Variants in KIAA1328 observed in about 807,000 individuals in gnomAD.
The protein encoded by KIAA1328 is KIAA1328.
A neutral mutation model predicts 68.1 loss-of-function variants in KIAA1328; 52 were observed. That is an observed-to-expected ratio of 0.76 (90% confidence interval 0.61 to 0.96). The LOEUF is 0.96. Among genes scored for constraint, KIAA1328 ranks in the 40% least tolerant of loss-of-function variants. The pLI is 0.00. For missense variants in KIAA1328, 641 were observed against 677.6 expected (o/e 0.95, Z 0.60); for synonymous variants, 232 against 239.4 (o/e 0.97, Z 0.28).
At chr18:36,919,490 T>C (rs72887072) in intron 5 of KIAA1328, among the ~76,000 whole-genome samples, 20,708 of 152,232 alleles carry the variant, frequency 0.14, 1,755 homozygotes, top group Admixed American at 0.18. Flanking sequence ...GTTGATTCCA[T>C]GTCTTTGCTA....
At chr18:37,127,359 C>A (rs112022648) in intron 7 of KIAA1328, among the ~76,000 whole-genome samples, 185 of 152,170 alleles carry the variant, frequency 1.2e-3, no homozygotes, top group African/African-American at 4.3e-3. Flanking sequence ...ACAGATAAAT[C>A]TAATAACATC....
intron 9 of KIAA1328, among the ~76,000 whole-genome samples, chr18:37,219,817 G>A (rs898870704): frequency 6.6e-6 from 1 of 152,136 alleles, no homozygotes; most frequent in African/African-American, 2.4e-5. Context: ...GCTTCGGCTT[G>A]CCCTCTGTGG....
rs76538973 is a variant in KIAA1328, at chr18:37,178,905, A to C, written c.1523+5824A>C. Reference sequence around the variant, plus strand: ...TGAGAAATGTCTATTCAGGTCTTTAACCTATTTTTTTAGTCACTTTATTTT... The same window carrying C: ...TGAGAAATGTCTATTCAGGTCTTTACCCTATTTTTTTAGTCACTTTATTTT... On this transcript the variant is annotated intron_variant, in intron 9 of 9. Coordinates refer to ENST00000280020, the MANE Select transcript of KIAA1328 (RefSeq NM_020776.3). 7.2e-3 allele frequency among the ~76,000 whole-genome samples: 1,099 copies of C among 152,090 alleles called. 5 individuals are homozygous for C. The highest frequency in any genetic ancestry group is 0.012 in the Non-Finnish European group (831 of 67,952).
At chr18:36,921,576 T>A (rs1435701913) in intron 5 of KIAA1328, among the ~76,000 whole-genome samples, 1 of 152,038 alleles carries the variant, frequency 6.6e-6, no homozygotes, top group Non-Finnish European at 1.5e-5. Context: ...GCTAATTTTT[T>A]TGTATTTTTA....
At chr18:37,082,657 T>G (rs1001722233) in intron 7 of KIAA1328, among the ~76,000 whole-genome samples, 3 of 152,222 alleles carry the variant, frequency 2.0e-5, no homozygotes, top group Non-Finnish European at 4.4e-5. Flanking sequence ...AGAATAAATT[T>G]GGCATGACAT....
At chr18:36,846,844 A>C (rs2047046237) in intron 4 of KIAA1328, among the ~76,000 whole-genome samples, 1 of 151,534 alleles carries the variant, frequency 6.6e-6, no homozygotes, top group African/African-American at 2.4e-5. Context: ...CATTAAGTAC[A>C]TTCATAGTGC....
intron 6 of KIAA1328, among the ~76,000 whole-genome samples, chr18:37,054,281 A>G: frequency 6.6e-6 from 1 of 152,222 alleles, no homozygotes; most frequent in East Asian, 1.9e-4. Context: ...AACTGGAACC[A>G]ACATTTTACC....
chr18:37,002,984 G>A (rs1198171974), intron 6 of KIAA1328, among the ~76,000 whole-genome samples: 1 of 152,052 alleles, frequency 6.6e-6, no homozygotes, highest in East Asian at 1.9e-4. Context: ...TTTAAAAATA[G>A]ACATATAGAC....
intron 7 of KIAA1328, among the ~76,000 whole-genome samples, chr18:37,078,464 C>A (rs1192658638): frequency 1.3e-5 from 2 of 150,916 alleles, no homozygotes; most frequent in Non-Finnish European, 3.0e-5. Context: ...GCAACAAAAG[C>A]CAAAATTGAC....
chr18:37,178,726 C>A (rs1245652171), intron 9 of KIAA1328, among the ~76,000 whole-genome samples: 1 of 152,082 alleles, frequency 6.6e-6, no homozygotes, highest in Non-Finnish European at 1.5e-5. Flanking sequence ...TTTCTTTCTC[C>A]AATCATTGCC....
chr18:36,998,843 T>G (rs2053489582), intron 6 of KIAA1328, among the ~76,000 whole-genome samples: 1 of 152,206 alleles, frequency 6.6e-6, no homozygotes, highest in Non-Finnish European at 1.5e-5. Context: ...CATGTGCAGA[T>G]ATCAAGGTAA....
At chr18:37,014,652 C>G (rs572047613) in intron 6 of KIAA1328, among the ~76,000 whole-genome samples, 1 of 152,182 alleles carries the variant, frequency 6.6e-6, no homozygotes, top group South Asian at 2.1e-4. Flanking sequence ...ATGGCCAGAG[C>G]AGGAGGAAGA....
chr18:36,935,447 A>T (rs752520890), intron 5 of KIAA1328, among the ~76,000 whole-genome samples: 7 of 152,324 alleles, frequency 4.6e-5, no homozygotes, highest in African/African-American at 1.7e-4. Flanking sequence ...AAAGCTGCCC[A>T]AATTATGCCA....
intron 7 of KIAA1328, among the ~76,000 whole-genome samples, chr18:37,135,053 A>G (rs935525470): frequency 6.6e-6 from 1 of 152,114 alleles, no homozygotes; most frequent in Middle Eastern, 3.2e-3. Flanking sequence ...ATGGCTGTGT[A>G]GTATTTCATA....
chr18:37,223,953 A>T lies in KIAA1328; in HGVS notation c.*1726A>T, dbSNP rs2060606537. On this transcript the variant is annotated 3_prime_UTR_variant, in exon 10 of 10. Coordinates refer to ENST00000280020, the MANE Select transcript of KIAA1328 (RefSeq NM_020776.3). ...TTAAAAAGTTGGAAAATCATTACAG[A>T]TTAAAATTTCTTTATAAAGTTCACC... The T allele has an allele frequency of 3.0e-6, 3 of 985,132 alleles. No homozygotes were observed. The South Asian group carries it at 1.4e-4, about 46-fold the overall frequency. The allele number at this position is 985,132 out of a possible 1,614,324, so 61.0% of individuals were successfully genotyped here.
chr18:36,964,484 T>A (rs1364707711), intron 6 of KIAA1328, among the ~76,000 whole-genome samples: 2 of 152,208 alleles, frequency 1.3e-5, no homozygotes, highest in Non-Finnish European at 2.9e-5. Context: ...TGCTTGTAGT[T>A]TATTAAATCC....
chr18:37,183,199 A>C (rs1397543023), intron 9 of KIAA1328, among the ~76,000 whole-genome samples: 1 of 152,184 alleles, frequency 6.6e-6, no homozygotes, highest in East Asian at 1.9e-4. Context: ...TTCTAGGGTC[A>C]CTCAAGGACT....
At chr18:37,175,789 CAAACCTTTGAAAGTACCA>C (rs2154214469) in intron 9 of KIAA1328, among the ~76,000 whole-genome samples, 1 of 152,292 alleles carries the variant, frequency 6.6e-6, no homozygotes, top group East Asian at 1.9e-4. Flanking sequence ...TTTATCTCAA[CAAACCTTTGAAAGTACCA>C]AAGGGAACAA....
At chr18:37,032,395 C>A (rs1205539821) in intron 6 of KIAA1328, among the ~76,000 whole-genome samples, 2 of 151,840 alleles carry the variant, frequency 1.3e-5, no homozygotes, top group Non-Finnish European at 2.9e-5. Context: ...CTTGTATTTA[C>A]ATTTCTAGCA....
Sources: gnomAD v4.1 joint callset for allele counts (sites outside exome capture counted in the v4.1 genomes callset) on GRCh38, gnomAD v4.1.1 for gene constraint, MANE v1.5 for transcripts, NCBI Gene and HGNC (gene_info 2026-07-23, HGNC 2026-07-21) for gene names.